Variants in CDH13 observed in about 807,000 individuals in gnomAD.
CDH13 encodes cadherin 13.
Under a neutral mutation model 63.8 loss-of-function variants are expected in CDH13, and 24 were observed. The observed-to-expected ratio is 0.38, with a 90% CI of 0.27 to 0.53. The LOEUF is 0.53. Among genes scored for constraint, CDH13 ranks in the 20% least tolerant of loss-of-function variants. The probability of loss-of-function intolerance (pLI) is 0.85; values close to 1 mark genes in which losing one functional copy is unlikely to be tolerated. For synonymous variants in CDH13, 503 were observed against 355.3 expected (o/e 1.42, Z -4.67); for missense variants, 1,049 against 903.1 (o/e 1.16, Z -2.07).
intron 4 of CDH13, among the ~76,000 whole-genome samples, chr16:83,197,198 A>G (rs1034299532): frequency 3.3e-5 from 5 of 152,114 alleles, no homozygotes; most frequent in African/African-American, 1.2e-4. Context: ...GTTGCATACT[A>G]TATGATTCCA....
intron 7 of CDH13, among the ~76,000 whole-genome samples, chr16:83,565,935 T>A (rs1482819901): frequency 6.6e-6 from 1 of 152,236 alleles, no homozygotes; most frequent in Non-Finnish European, 1.5e-5. Context: ...TTGTCTGATC[T>A]TTCTTCTTTC....
At chr16:83,326,062 G>A (rs1184804624) in intron 5 of CDH13, among the ~76,000 whole-genome samples, 2 of 152,148 alleles carry the variant, frequency 1.3e-5, no homozygotes, top group Non-Finnish European at 2.9e-5. Context: ...AAAATAGAGG[G>A]AAGGAGAAAT....
At chr16:82,691,312 T>C (rs146549367) in intron 1 of CDH13, among the ~76,000 whole-genome samples, 51 of 152,250 alleles carry the variant, frequency 3.3e-4, no homozygotes, top group African/African-American at 1.1e-3. Context: ...CTTCCTGCTT[T>C]GGGGAATTCT....
intron 1 of CDH13, among the ~76,000 whole-genome samples, chr16:82,818,481 C>T (rs1390108937): frequency 1.1e-4 from 16 of 152,014 alleles, no homozygotes; most frequent in Non-Finnish European, 2.4e-4. Context: ...TGATAATTTC[C>T]ATAAAAGAAA....
rs146705894 is a variant in CDH13 at position 83,533,922 on chromosome 16, G to A, written c.960+47267G>A. On this transcript the variant is annotated intron_variant, in intron 7 of 13. Coordinates refer to ENST00000567109, the MANE Select transcript of CDH13 (RefSeq NM_001257.5). Reference sequence around the variant, plus strand: ...AGGCATGAGCCACAGTGCCTGGCACGTTAATCTATTTTAAAAATCTAGTTG... The same window carrying A: ...AGGCATGAGCCACAGTGCCTGGCACATTAATCTATTTTAAAAATCTAGTTG... Among the ~76,000 whole-genome samples the A allele has an allele frequency of 1.9e-3, 295 of 152,150 alleles. 3 individuals are homozygous for A. Among genetic ancestry groups the A allele is most frequent in the African/African-American group, 6.5e-3 (272 of 41,532 alleles).
At chr16:82,656,889 C>T (rs1911357263) in intron 1 of CDH13, among the ~76,000 whole-genome samples, 1 of 149,690 alleles carries the variant, frequency 6.7e-6, no homozygotes, top group Non-Finnish European at 1.5e-5. Context: ...ATTGAAGTTT[C>T]CTCCATGTTT....
At chr16:83,699,265 C>T (rs1487559302) in intron 10 of CDH13, among the ~76,000 whole-genome samples, 2 of 152,198 alleles carry the variant, frequency 1.3e-5, no homozygotes, top group Admixed American at 6.5e-5. Context: ...AAAATAGCAC[C>T]AGTTGTTTTT....
chr16:83,507,621 G>T (rs940306575), intron 7 of CDH13, among the ~76,000 whole-genome samples: 6 of 152,204 alleles, frequency 3.9e-5, no homozygotes, highest in Non-Finnish European at 8.8e-5. Flanking sequence ...TCTAATGCTA[G>T]CCTTCCTGTG....
chr16:83,608,046 G>T (rs1458485987), intron 8 of CDH13, among the ~76,000 whole-genome samples: 1 of 151,998 alleles, frequency 6.6e-6, no homozygotes, highest in Non-Finnish European at 1.5e-5. Flanking sequence ...TAAAGAATGT[G>T]TTTGCAAGTG....
At chr16:83,614,048 C>T (rs2150767395) in intron 8 of CDH13, among the ~76,000 whole-genome samples, 1 of 152,138 alleles carries the variant, frequency 6.6e-6, no homozygotes, top group East Asian at 1.9e-4. Context: ...GTCCTTTTCT[C>T]CTGGTTTTTG....
At chr16:83,039,064 G>A (rs931444487) in intron 3 of CDH13, among the ~76,000 whole-genome samples, 40 of 152,268 alleles carry the variant, frequency 2.6e-4, no homozygotes, top group African/African-American at 4.6e-4. Flanking sequence ...AGATGCCTAC[G>A]GCCAGGCAGC....
At chr16:82,842,149 T>TATATATATATAC (rs2039058978) in intron 1 of CDH13, among the ~76,000 whole-genome samples, 2 of 37,612 alleles carry the variant, frequency 5.3e-5, no homozygotes, top group Non-Finnish European at 1.2e-4. Context: ...CACATATATA[T>TATATATATATAC]ATATATATAT....
chr16:82,908,492 C>T (rs978452435), intron 2 of CDH13, among the ~76,000 whole-genome samples: 2 of 152,156 alleles, frequency 1.3e-5, no homozygotes, highest in Admixed American at 1.3e-4. Flanking sequence ...CAGGCATGGG[C>T]ATCAGATGAA....
chr16:82,932,721 A>C (rs1042983337), intron 2 of CDH13, among the ~76,000 whole-genome samples: 1 of 152,230 alleles, frequency 6.6e-6, no homozygotes, highest in Non-Finnish European at 1.5e-5. Flanking sequence ...GAAACATTTG[A>C]TATGCTGATG....
At chr16:83,731,199 C>T (rs138386512) in intron 10 of CDH13, among the ~76,000 whole-genome samples, 37 of 152,324 alleles carry the variant, frequency 2.4e-4, no homozygotes, top group African/African-American at 8.4e-4. Flanking sequence ...ATTGCTGAGT[C>T]AAATGGTAGT....
At chr16:83,434,976 A>G (rs2072249140) in intron 6 of CDH13, among the ~76,000 whole-genome samples, 1 of 65,996 alleles carries the variant, frequency 1.5e-5, no homozygotes, top group Admixed American at 1.5e-4. Context: ...TATTTATATA[A>G]ATAAATAAAT....
intron 1 of CDH13, among the ~76,000 whole-genome samples, chr16:82,659,127 G>A (rs934891020): frequency 6.6e-6 from 1 of 152,222 alleles, no homozygotes; most frequent in African/African-American, 2.4e-5. Flanking sequence ...GTGCACAGTT[G>A]CTGCTGGTTC....
chr16:83,781,975 G>T (rs1228025772), intron 12 of CDH13, among the ~76,000 whole-genome samples: 2 of 151,732 alleles, frequency 1.3e-5, no homozygotes, highest in African/African-American at 4.8e-5. Flanking sequence ...CTCTACTAAA[G>T]GAAGATGGGA....
chr16:82,835,762 G>C (rs574772131), intron 1 of CDH13, among the ~76,000 whole-genome samples: 61 of 152,322 alleles, frequency 4.0e-4, no homozygotes, highest in African/African-American at 1.3e-3. Context: ...GAAGTGCCCT[G>C]CTGTGATGAT....
Sources: gnomAD v4.1 joint callset for allele counts (sites outside exome capture counted in the v4.1 genomes callset) on GRCh38, gnomAD v4.1.1 for gene constraint, MANE v1.5 for transcripts, NCBI Gene and HGNC (gene_info 2026-07-23, HGNC 2026-07-21) for gene names.